KANK1: variants seen among roughly 807,000 people sequenced by gnomAD.
KANK1 encodes KN motif and ankyrin repeat domains 1.
In KANK1, 109 loss-of-function variants were observed where a neutral mutation model predicts 106.2. The ratio of observed to expected loss-of-function variants is 1.03; its 90% confidence interval spans 0.88 to 1.20. The LOEUF (loss-of-function observed/expected upper bound fraction) is 1.20. KANK1 is among the 50% of genes most tolerant of loss of function. KANK1 has a pLI of 0.00. For missense variants in KANK1, 2,399 were observed against 1,710.7 expected, an observed-to-expected ratio of 1.40 and a Z score of -7.10; for synonymous variants, 873 against 652.2, an observed-to-expected ratio of 1.34 and a Z score of -5.16.
intron 1 of KANK1, among the ~76,000 whole-genome samples, chr9:666,786 T>TCCCA (rs1225705642): frequency 1.3e-5 from 2 of 152,130 alleles, no homozygotes; most frequent in Non-Finnish European, 2.9e-5. Flanking sequence ...CTGGGGTGAA[T>TCCCA]CCCACTTGAT....
intron 2 of KANK1, among the ~76,000 whole-genome samples, chr9:701,237 G>T (rs1015904581): frequency 6.6e-6 from 1 of 151,930 alleles, no homozygotes. Flanking sequence ...CCTCAGCCTC[G>T]CAAGTACCTG....
At chr9:535,471 G>A (rs2060254687) in intron 1 of KANK1, among the ~76,000 whole-genome samples, 2 of 152,190 alleles carry the variant, frequency 1.3e-5, no homozygotes, top group African/African-American at 2.4e-5. Flanking sequence ...ACTGTACTGT[G>A]AGTTTTCATG....
At chr9:496,115 C>T (rs1260637751) in intron 3 of KANK1, among the ~76,000 whole-genome samples, 2 of 152,130 alleles carry the variant, frequency 1.3e-5, no homozygotes, top group African/African-American at 2.4e-5. Flanking sequence ...CTATTTGAAC[C>T]TCTGTGAGCC....
chr9:567,960 A>G (rs1447599362), intron 1 of KANK1, among the ~76,000 whole-genome samples: 1 of 152,058 alleles, frequency 6.6e-6, no homozygotes, highest in Admixed American at 6.5e-5. Flanking sequence ...TCTTCCAAAG[A>G]GAGAGTGCCA....
chr9:726,127 C>A (rs554864146), intron 3 of KANK1, among the ~76,000 whole-genome samples: 6 of 152,022 alleles, frequency 3.9e-5, no homozygotes, highest in African/African-American at 1.5e-4. Flanking sequence ...GAGAACAAAA[C>A]CTCTTTTGTA....
intron 7 of KANK1, among the ~76,000 whole-genome samples, chr9:735,304 G>T (rs552497031): frequency 6.6e-6 from 1 of 152,160 alleles, no homozygotes; most frequent in Admixed American, 6.5e-5. Flanking sequence ...GAATGCAGGC[G>T]GCCACTATTT....
At chr9:738,554 T>G in intron 8 of KANK1, 50 bp downstream of exon 8, 8 of 1,452,730 alleles carry the variant, frequency 5.5e-6, no homozygotes, top group Non-Finnish European at 7.7e-6. Flanking sequence ...ACTTGGGTTG[T>G]GACTCATCTC....
intron 1 of KANK1, among the ~76,000 whole-genome samples, chr9:572,673 G>A (rs570671209): frequency 6.6e-6 from 1 of 152,136 alleles, no homozygotes; most frequent in South Asian, 2.1e-4. Context: ...TTACAATATG[G>A]ACATAAGCCA....
At chr9:684,949 C>T (rs1357048036) in intron 2 of KANK1, among the ~76,000 whole-genome samples, 1 of 152,058 alleles carries the variant, frequency 6.6e-6, no homozygotes, top group Non-Finnish European at 1.5e-5. Context: ...CTAATAAAAC[C>T]TTTAAGGAGA....
chr9:695,428 T>A (rs1820998625), intron 2 of KANK1, among the ~76,000 whole-genome samples: 1 of 151,450 alleles, frequency 6.6e-6, no homozygotes, highest in South Asian at 2.1e-4. Context: ...CTCCCCCTTA[T>A]CTAACTGGTA....
At chr9:612,403 C>T (rs1057410852) in intron 1 of KANK1, among the ~76,000 whole-genome samples, 2 of 152,258 alleles carry the variant, frequency 1.3e-5, no homozygotes, top group East Asian at 3.9e-4. Flanking sequence ...AGTATGTAGG[C>T]CCGGTTTCTT....
chr9:624,973 A>C lies in KANK1; in HGVS notation c.-83-51917A>C, dbSNP rs543518014. On this transcript the variant is annotated intron_variant, in intron 1 of 11. Coordinates refer to ENST00000382297, the MANE Select transcript of KANK1 (RefSeq NM_015158.5). ...ACTTTATGCCCTGAGCAAGCTATTT[A>C]ACTTTTTTGTTCCTTAATTTCTAAA... Among the ~76,000 whole-genome samples the C allele has an allele frequency of 3.0e-4, 45 of 152,352 alleles. No homozygotes were observed. The Middle Eastern group carries it at 0.01, about 35-fold the overall frequency.
chr9:494,003 C>T (rs2058419924), intron 3 of KANK1, among the ~76,000 whole-genome samples: 1 of 152,064 alleles, frequency 6.6e-6, no homozygotes, highest in Admixed American at 6.5e-5. Flanking sequence ...CTGCCTCAGC[C>T]TCCTGAGTAG....
intron 1 of KANK1, among the ~76,000 whole-genome samples, chr9:536,902 T>C (rs1490074017): frequency 6.6e-6 from 1 of 152,212 alleles, no homozygotes; most frequent in African/African-American, 2.4e-5. Context: ...GTGTGGTTTC[T>C]AATCAAGCAT....
chr9:629,309 C>T (rs1374572788), intron 1 of KANK1, among the ~76,000 whole-genome samples: 1 of 152,062 alleles, frequency 6.6e-6, no homozygotes, highest in East Asian at 1.9e-4. Context: ...TGATCACCTG[C>T]TAAGACAAAA....
chr9:675,902 G>A (rs1816317019), intron 1 of KANK1, among the ~76,000 whole-genome samples: 1 of 152,150 alleles, frequency 6.6e-6, no homozygotes, highest in Non-Finnish European at 1.5e-5. Context: ...GGAAAGGGGT[G>A]GGTAGTTCCT....
intron 1 of KANK1, among the ~76,000 whole-genome samples, chr9:571,603 A>G (rs756258071): frequency 1.3e-5 from 2 of 152,170 alleles, no homozygotes; most frequent in Non-Finnish European, 2.9e-5. Context: ...TTTAAAAAGA[A>G]AAACGTGACT....
chr9:580,671 C>T (rs1010312381), intron 1 of KANK1, among the ~76,000 whole-genome samples: 6 of 152,360 alleles, frequency 3.9e-5, no homozygotes, highest in South Asian at 2.1e-4. Context: ...AAAGGTTCTC[C>T]AAGTGCCCAC....
At chr9:568,459 C>G (rs746751815) in intron 1 of KANK1, among the ~76,000 whole-genome samples, 1 of 152,080 alleles carries the variant, frequency 6.6e-6, no homozygotes, top group Non-Finnish European at 1.5e-5. Context: ...TTTTTCCTGT[C>G]TCTCCCATAG....
Sources: allele counts gnomAD v4.1 joint callset (sites outside exome capture counted in the v4.1 genomes callset), GRCh38; gene constraint gnomAD v4.1.1; transcripts MANE v1.5; gene names NCBI Gene and HGNC (gene_info 2026-07-23, HGNC 2026-07-21).